MAP2K3: variants seen among roughly 807,000 people sequenced by gnomAD.
The protein encoded by MAP2K3 is dual specificity mitogen-activated protein kinase kinase 3.
MAP2K3 carries 30 observed loss-of-function variants against 46.4 expected under a neutral mutation model. The ratio of observed to expected loss-of-function variants is 0.65; its 90% CI spans 0.48 to 0.88. The LOEUF is 0.88. Ranked by LOEUF, MAP2K3 falls within the 40% of genes least tolerant of loss-of-function variation. MAP2K3 has a pLI of 0.00. For synonymous variants in MAP2K3, 189 were observed against 176.3 expected (o/e 1.07, Z -0.57); for missense variants, 380 against 464.5 (o/e 0.82, Z 1.67).
Position 21,313,460 on chromosome 17 carries a change from A to G in MAP2K3, c.915-32A>G, listed in dbSNP as rs779050038. On this transcript the variant is annotated intron_variant, in intron 10 of 11. Transcript: ENST00000342679. ...TTGGGGGCTGGGCTTCCTCCCTGCC[A>G]GCCTGGCCACAGCTGCACTATTCTC... is the stretch of plus-strand genomic sequence containing the variant. 1.3e-4 allele frequency: 209 copies of G among 1,607,064 alleles called. No individual in the cohort carries two copies. The Admixed American group carries it at 2.4e-3, about 18-fold the overall frequency.
At chr17:21,295,084 A>G (rs1976164560) in intron 1 of MAP2K3, among the ~76,000 whole-genome samples, 1 of 152,310 alleles carries the variant, frequency 6.6e-6, no homozygotes, top group Non-Finnish European at 1.5e-5. Flanking sequence ...GAAAGGCAAG[A>G]CGACGTAGTA....
intron 3 of MAP2K3, 75 bp from the exon 4 acceptor site, chr17:21,300,470 G>A: frequency 6.8e-7 from 1 of 1,463,844 alleles, no homozygotes; most frequent in South Asian, 1.2e-5. Flanking sequence ...ATGCTGCCCA[G>A]GTATCTCCAC....
intron 1 of MAP2K3, chr17:21,296,301 T>C (rs1434621550): frequency 2.1e-5 from 17 of 822,984 alleles, no homozygotes; most frequent in East Asian, 6.3e-5. Context: ...AGCTGGAGTT[T>C]ACCACGGCTG....
At chr17:21,288,175 G>A (rs1221957244) in intron 1 of MAP2K3, 12 of 1,095,456 alleles carry the variant, frequency 1.1e-5, no homozygotes, top group Non-Finnish European at 1.5e-5. Context: ...ATGCCTGCCA[G>A]CCTGGTGGGT....
At chr17:21,292,470 C>T (rs2144486917) in intron 1 of MAP2K3, among the ~76,000 whole-genome samples, 1 of 152,426 alleles carries the variant, frequency 6.6e-6, no homozygotes. Flanking sequence ...GATCCTCCCA[C>T]CTCAGCCTCC....
intron 1 of MAP2K3, among the ~76,000 whole-genome samples, chr17:21,296,775 C>G (rs1453542743): frequency 6.6e-6 from 1 of 152,310 alleles, no homozygotes; most frequent in Non-Finnish European, 1.5e-5. Flanking sequence ...CCCATGCGGT[C>G]CCTGACAGCC....
At chr17:21,297,140 T>G (rs1480205191) in intron 1 of MAP2K3, among the ~76,000 whole-genome samples, 1 of 152,306 alleles carries the variant, frequency 6.6e-6, no homozygotes, top group African/African-American at 2.4e-5. Flanking sequence ...GTAACCACCC[T>G]TCGCCCTCCA....
In MAP2K3 at chr17:21,302,238, C is replaced by T. The variant is rs769363186; in HGVS notation, c.495C>T (p.Ile165=). 3.8e-6 allele frequency: 6 copies of T among 1,564,978 alleles called. No individual in the cohort carries two copies. The East Asian group carries it at 1.2e-4, about 32-fold the overall frequency. Residue 165 remains isoleucine (I), a synonymous_variant, in exon 6 of 12, where the codon ATC becomes ATT. Coordinates refer to ENST00000342679, the MANE Select transcript of MAP2K3 (RefSeq NM_145109.3). The part of the protein sequence containing the change: ...LDKNMTIPED[I]LGEIAVSIVR... ...AAAACATGACAATTCCAGAGGACAT[C>T]CTTGGGGAGATTGCTGTGTCTGTGA...
chr17:21,304,450 T>A lies in MAP2K3; in HGVS notation c.593T>A (p.Ile198Asn). 6.2e-7 allele frequency: 1 copy of A among 1,614,318 alleles called. No individual in the cohort carries two copies. The highest frequency in any genetic ancestry group is 8.5e-7 in the Non-Finnish European group (1 of 1,180,058). ...GATGTGAAGCCCTCCAATGTCCTTA[T>A]CAACAAGGAGGGCCATGTGAAGATG... is the stretch of plus-strand genomic sequence containing the variant. ...HRDVKPSNVL[I>N]NKEGHVKMCD... Residue 198 changes from isoleucine to asparagine, a missense_variant, in exon 8 of 12, where the codon ATC (isoleucine) becomes AAC (asparagine). By Grantham distance (149) the Ile-to-Asn change is moderately radical (BLOSUM62 -3). This residue lies in a region of MAP2K3 where 294 missense variants were observed against 275.4 expected (regional missense o/e 1.07). Transcript: ENST00000342679.
At chr17:21,293,636 G>C (rs1976073221) in intron 1 of MAP2K3, among the ~76,000 whole-genome samples, 1 of 152,310 alleles carries the variant, frequency 6.6e-6, no homozygotes, top group African/African-American at 2.4e-5. Flanking sequence ...GAGGGTGTGA[G>C]GCCCTGGAGG....
At chr17:21,307,509 C>T (rs1475469058) in intron 9 of MAP2K3, among the ~76,000 whole-genome samples, 2 of 141,276 alleles carry the variant, frequency 1.4e-5, no homozygotes, top group Non-Finnish European at 3.1e-5. Flanking sequence ...TGAGGTGGGG[C>T]TGTGCCTGCT....
In MAP2K3 at chr17:21,295,221, G is replaced by T. The variant is rs974679590; in HGVS notation, c.50-3192G>T. 9.2e-5 allele frequency among the ~76,000 whole-genome samples: 14 copies of T among 152,422 alleles called. No individual in the cohort carries two copies. In the East Asian group the frequency reaches 2.5e-3, roughly 27 times the overall value. On this transcript the variant is annotated intron_variant, in intron 1 of 11. Coordinates refer to ENST00000342679, the MANE Select transcript of MAP2K3 (RefSeq NM_145109.3). ...CAAGGGTCGGGGGCTCTAGTTGGGGGTGAGTGGGAGGAGATAGGGCAGAGC... is the reference window on the plus strand; with the variant it reads ...CAAGGGTCGGGGGCTCTAGTTGGGGTTGAGTGGGAGGAGATAGGGCAGAGC...
chr17:21,295,709 C>T (rs777212496), intron 1 of MAP2K3: 2 of 1,289,528 alleles, frequency 1.6e-6, no homozygotes, highest in South Asian at 2.5e-5. Context: ...ATATACCACC[C>T]AGGCCTGCGA....
chr17:21,288,738 C>A (rs1400233358), intron 1 of MAP2K3, among the ~76,000 whole-genome samples: 1 of 152,256 alleles, frequency 6.6e-6, no homozygotes, highest in Non-Finnish European at 1.5e-5. Context: ...CAGTTCCATT[C>A]CACACTTGCT....
chr17:21,298,330 G>GTA (rs1390039338), intron 1 of MAP2K3, 83 bp from the exon 2 acceptor site: 1 of 1,587,546 alleles, frequency 6.3e-7, no homozygotes, highest in Non-Finnish European at 8.7e-7. Flanking sequence ...ACCCTTGTGG[G>GTA]CCAGGGCCTG....
In MAP2K3 at chr17:21,284,823, C is replaced by G. The variant is rs1975679805; in HGVS notation, c.-98C>G. The G allele has an allele frequency of 7.1e-7, 1 of 1,399,492 alleles. No homozygotes were observed. Among genetic ancestry groups the G allele is most frequent in the Non-Finnish European group, 9.7e-7 (1 of 1,032,690 alleles). The allele number at this position is 1,399,492 out of a possible 1,614,324, so 86.7% of individuals were successfully genotyped here. Reference sequence around the variant, plus strand: ...CCGCCGCCGCTGCTCCTCCGCCTGGCCTGGGCCGTCTGCCCGCAGCCATGA... The same window carrying G: ...CCGCCGCCGCTGCTCCTCCGCCTGGGCTGGGCCGTCTGCCCGCAGCCATGA... On this transcript the variant is annotated 5_prime_UTR_variant, in exon 1 of 12. Transcript: ENST00000342679.
rs1975682032 is a variant in MAP2K3 at position 21,284,895 on chromosome 17, A to C, written c.-26A>C. On this transcript the variant is annotated 5_prime_UTR_variant, in exon 1 of 12. Transcript: ENST00000342679. ...CCCGCAGTCCTCTAGATTAGTCTCC[A>C]CCGCCGTCCAGGACCCACTTGCAGC... 1 of 1,611,220 alleles carries C rather than the reference A, an allele frequency of 6.2e-7. No homozygotes were observed. The highest frequency in any genetic ancestry group is 8.5e-7 in the Non-Finnish European group (1 of 1,179,302).
chr17:21,314,263 A>G lies in MAP2K3; in HGVS notation c.*33A>G, dbSNP rs1977304973. On this transcript the variant is annotated 3_prime_UTR_variant, in exon 12 of 12. Transcript: ENST00000342679. ...GCCTCGGACCCCACTCCGGCCCTCC[A>G]GAGCCCCACAGCCCCATCTGCGGGG... 1 of 1,566,030 alleles carries G rather than the reference A, an allele frequency of 6.4e-7. No homozygotes were observed. Among genetic ancestry groups the G allele is most frequent in the Non-Finnish European group, 8.8e-7 (1 of 1,137,374 alleles).
chr17:21,286,466 G>C (rs890094412), intron 1 of MAP2K3, among the ~76,000 whole-genome samples: 1 of 152,228 alleles, frequency 6.6e-6, no homozygotes, highest in Non-Finnish European at 1.5e-5. Context: ...CGGGTGGGCT[G>C]GATAATTATG....
Sources: allele counts gnomAD v4.1 joint callset (sites outside exome capture counted in the v4.1 genomes callset), GRCh38; gene constraint gnomAD v4.1.1; regional missense constraint gnomAD v4.1.1; transcripts MANE v1.5; gene names NCBI Gene and HGNC (gene_info 2026-07-23, HGNC 2026-07-21).